PCDHGA6: variants seen among roughly 807,000 people sequenced by gnomAD.
The protein encoded by PCDHGA6 is protocadherin gamma subfamily A, 6, also known as protocadherin gamma-A6.
PCDHGA6 carries 41 observed loss-of-function variants against 60.6 expected under a neutral mutation model. That is an observed-to-expected ratio of 0.68 (90% CI 0.53 to 0.88). The LOEUF (loss-of-function observed/expected upper bound fraction) is 0.88, where lower values mean the gene tolerates loss of function less well. Ranked by LOEUF, PCDHGA6 falls within the 40% of genes least tolerant of loss-of-function variation. The probability of loss-of-function intolerance (pLI) is 0.00; values close to 1 mark genes in which losing one functional copy is unlikely to be tolerated. For synonymous variants in PCDHGA6, 594 were observed against 524.4 expected (o/e 1.13, Z -1.81); for missense variants, 1,312 against 1,203.0 (o/e 1.09, Z -1.34).
chr5:141,378,375 T>C (rs2150126691), intron 1 of PCDHGA6: 1 of 152,224 alleles, frequency 6.6e-6, no homozygotes, highest in African/African-American at 2.4e-5. Context: ...ATACAAAAAT[T>C]AGCCAGGTGG....
chr5:141,385,360 T>C, intron 1 of PCDHGA6: 1 of 1,545,774 alleles, frequency 6.5e-7, no homozygotes, highest in South Asian at 1.3e-5. Context: ...ATGAGGAATT[T>C]ATTTGCATGA....
chr5:141,486,474 C>G lies in PCDHGA6; in HGVS notation c.2425-8333C>G. ...ACTGCTTCTGATGCTGGGAACCCTC[C>G]TCTCAGTACCCACAGAACTATTTTC... On this transcript the variant is annotated intron_variant, in intron 1 of 3. Transcript: ENST00000517434. The surrounding 1 kb of genome is among the most constrained non-coding windows in gnomAD (Gnocchi z 5.0). The G allele has an allele frequency of 6.2e-7, 1 of 1,614,016 alleles. No individual in the cohort carries two copies. Among genetic ancestry groups the G allele is most frequent in the Non-Finnish European group, 8.5e-7 (1 of 1,179,822 alleles).
chr5:141,482,429 A>G (rs955366858), intron 1 of PCDHGA6, among the ~76,000 whole-genome samples: 1 of 151,366 alleles, frequency 6.6e-6, no homozygotes, highest in African/African-American at 2.4e-5. Flanking sequence ...AAAAATGATA[A>G]TACTGATATT....
At chr5:141,384,677 C>A in intron 1 of PCDHGA6, 3 of 1,614,188 alleles carry the variant, frequency 1.9e-6, no homozygotes, top group Non-Finnish European at 2.5e-6. Context: ...AAGGTGGTGG[C>A]GGTGGACAAA....
In PCDHGA6 at chr5:141,404,306, T is replaced by C. The variant is rs200297928; in HGVS notation, c.2424+27799T>C. 1,450 of 1,613,824 alleles carry C rather than the reference T, an allele frequency of 9.0e-4. 2 individuals carry two copies. Among genetic ancestry groups the C allele is most frequent in the Admixed American group, 2.4e-3 (143 of 60,004 alleles). ...TGACATCAATGATAATCCACCTGCT[T>C]TCTCTCAAGCCTCCTACTCAGTCTA... On this transcript the variant is annotated intron_variant, in intron 1 of 3. Coordinates refer to ENST00000517434, the MANE Select transcript of PCDHGA6 (RefSeq NM_018919.3).
At position 141,437,741 on chromosome 5, in the gene PCDHGA6, C is replaced by CTT. The variant is rs35124340; in HGVS notation, c.2425-57052_2425-57051dup. 4.3e-3 allele frequency among the ~76,000 whole-genome samples: 606 copies of CTT among 141,726 alleles called. 5 individuals are homozygous for CTT. The highest frequency in any genetic ancestry group is 0.012 in the Admixed American group (164 of 14,230). 93.0% of individuals were successfully genotyped at this position (141,726 alleles called of 152,430 possible). A position where few individuals can be genotyped will look rare whatever the true frequency, so the allele number is the denominator to read the frequency against. On this transcript the variant is annotated intron_variant, in intron 1 of 3. Transcript: ENST00000517434. ...CTCTAATGTTACACTTTGAGTTCAC[C>CTT]TTTTTTTTTTTTTTTGAGACAGAGT...
At chr5:141,417,532 T>C (rs2096129143) in intron 1 of PCDHGA6, 1 of 284,726 alleles carries the variant, frequency 3.5e-6, no homozygotes, top group African/African-American at 2.2e-5. Flanking sequence ...ACTCGTAGTT[T>C]AAAAAAAATT....
At position 141,394,450 on chromosome 5, in the gene PCDHGA6, T is replaced by A. The variant is rs188283892; in HGVS notation, c.2424+17943T>A. Reference sequence around the variant, plus strand: ...GGGGACCCGCCCCTCAGCAGCAACATGTCACTGAGCCTGTTCGTGCTGGAC... The same window carrying A: ...GGGGACCCGCCCCTCAGCAGCAACAAGTCACTGAGCCTGTTCGTGCTGGAC... On this transcript the variant is annotated intron_variant, in intron 1 of 3. Transcript: ENST00000517434. 92 of 1,614,228 alleles carry A rather than the reference T, an allele frequency of 5.7e-5. No individual in the cohort carries two copies. The East Asian group carries it at 1.9e-3, about 34-fold the overall frequency.
At chr5:141,410,063 C>CTGCGCACTGGGGAGG (rs2095353294) in intron 1 of PCDHGA6, 2 of 1,612,972 alleles carry the variant, frequency 1.2e-6, no homozygotes, top group Non-Finnish European at 1.7e-6. Context: ...CAGCCTGGGG[C>CTGCGCACTGGGGAGG]TGCGCACTGG....
chr5:141,400,565 A>C (rs766459739), intron 1 of PCDHGA6: 1 of 1,612,948 alleles, frequency 6.2e-7, no homozygotes, highest in South Asian at 1.1e-5. Flanking sequence ...TTACCCACCC[A>C]ATTTTCTGTA....
At position 141,374,917 on chromosome 5, in the gene PCDHGA6, T is replaced by C. The variant is rs1385873751; in HGVS notation, c.834T>C (p.Thr278=). 7.4e-6 allele frequency: 12 copies of C among 1,613,816 alleles called. No homozygotes were observed. In the Admixed American group the frequency reaches 1.5e-4, roughly 20 times the overall value. Reference sequence around the variant, plus strand: ...ATGAAGGAGTCCACGGGGAAGTAACTTATTCCTTTGTGAAGATTACAGAAA... The same window carrying C: ...ATGAAGGAGTCCACGGGGAAGTAACCTATTCCTTTGTGAAGATTACAGAAA... The part of the protein sequence containing the change: ...DQDEGVHGEV[T]YSFVKITEKI... The change falls in exon 1 of 4, where the codon ACT becomes ACC. Residue 278 remains threonine, a synonymous_variant. Coordinates refer to ENST00000517434, the MANE Select transcript of PCDHGA6 (RefSeq NM_018919.3).
intron 2 of PCDHGA6, among the ~76,000 whole-genome samples, chr5:141,503,222 G>A (rs540244346): frequency 2.2e-4 from 34 of 152,120 alleles, no homozygotes; most frequent in African/African-American, 7.7e-4. Context: ...CATGAGCACC[G>A]TAAAGATGGA....
In PCDHGA6 at chr5:141,476,352, T is replaced by C. The variant is rs2099389565; in HGVS notation, c.2425-18455T>C. The C allele has an allele frequency of 1.2e-6, 2 of 1,613,826 alleles. No individual in the cohort carries two copies. Among genetic ancestry groups the C allele is most frequent in the African/African-American group, 1.3e-5 (1 of 74,852 alleles). On this transcript the variant is annotated intron_variant, in intron 1 of 3. Transcript: ENST00000517434. The surrounding 1 kb of genome is among the most constrained non-coding windows in gnomAD (Gnocchi z 7.6). ...GGAGCTAGCCGAAGATTCTTTGAGG[T>C]GAACCGGGAGACCGGAGAGATGTTT...
intron 1 of PCDHGA6, chr5:141,426,496 G>A: frequency 3.0e-6 from 1 of 337,022 alleles, no homozygotes; most frequent in South Asian, 2.4e-5. Flanking sequence ...AGTTAGTGCA[G>A]AGAAACAATA....
chr5:141,495,892 TTGTCTC>T (rs1035324353), intron 2 of PCDHGA6, among the ~76,000 whole-genome samples: 1 of 152,198 alleles, frequency 6.6e-6, no homozygotes, highest in Admixed American at 6.5e-5. Flanking sequence ...TTGTCTCTCT[TTGTCTC>T]TGTCTCTGTA....
Position 141,486,785 on chromosome 5 carries a change from C to G in PCDHGA6, c.2425-8022C>G, listed in dbSNP as rs763174232. The G allele has an allele frequency of 2.8e-5, 45 of 1,614,102 alleles. No homozygotes were observed. The highest frequency in any genetic ancestry group is 3.6e-5 in the Non-Finnish European group (42 of 1,180,050). On this transcript the variant is annotated intron_variant, in intron 1 of 3. Coordinates refer to ENST00000517434, the MANE Select transcript of PCDHGA6 (RefSeq NM_018919.3). The surrounding 1 kb of genome is among the most constrained non-coding windows in gnomAD (Gnocchi z 5.0). ...GACACTGCAGTTTGAGGTGCAGGCC[C>G]GGGATCGGGGCAACCCACCCCTTAG... is the stretch of plus-strand genomic sequence containing the variant.
intron 1 of PCDHGA6, among the ~76,000 whole-genome samples, chr5:141,437,364 T>C (rs1026384836): frequency 6.6e-6 from 1 of 152,232 alleles, no homozygotes; most frequent in African/African-American, 2.4e-5. Flanking sequence ...AAAATTGGAA[T>C]GTAATCAGTC....
At chr5:141,423,990 T>A (rs2096793990) in intron 1 of PCDHGA6, 2 of 1,090,000 alleles carry the variant, frequency 1.8e-6, no homozygotes, top group East Asian at 1.1e-4. Flanking sequence ...GCTCTCAATT[T>A]ATTATATATA....
At chr5:141,376,670 G>A in intron 1 of PCDHGA6, 163 bp downstream of exon 1, 1 of 694,802 alleles carries the variant, frequency 1.4e-6, no homozygotes, top group Non-Finnish European at 2.2e-6. Context: ...TTCAGGTGAG[G>A]GTATCGTTTT....
Sources: gnomAD v4.1 joint callset for allele counts (sites outside exome capture counted in the v4.1 genomes callset) on GRCh38, gnomAD v4.1.1 for gene constraint, Gnocchi (gnomAD v3.1) non-coding constraint, MANE v1.5 for transcripts, NCBI Gene and HGNC (gene_info 2026-07-23, HGNC 2026-07-21) for gene names.